Variants in NELL1 observed in about 807,000 individuals in gnomAD.
NELL1 encodes the protein neural EGFL like 1.
In NELL1, 76 loss-of-function variants were observed where a neutral mutation model predicts 107.4. That is an observed-to-expected ratio of 0.71 (90% CI 0.59 to 0.86). The LOEUF is 0.86. NELL1 is among the 40% of genes least tolerant of loss of function. The pLI is 0.00. For synonymous variants in NELL1, 353 were observed against 341.2 expected (o/e 1.03, Z -0.38); for missense variants, 1,024 against 1,005.5 (o/e 1.02, Z -0.25).
intron 14 of NELL1, among the ~76,000 whole-genome samples, chr11:21,328,871 C>A (rs1048929527): frequency 6.6e-6 from 1 of 152,292 alleles, no homozygotes; most frequent in Middle Eastern, 3.4e-3. Flanking sequence ...TGGCCAATTT[C>A]TCCCATTTTT....
chr11:21,205,085 G>T (rs941594067), intron 13 of NELL1, among the ~76,000 whole-genome samples: 5 of 152,152 alleles, frequency 3.3e-5, no homozygotes, highest in Admixed American at 1.3e-4. Flanking sequence ...GGAGACATGG[G>T]GGTCAGGGAC....
chr11:20,810,678 G>T (rs1488086508), intron 3 of NELL1, among the ~76,000 whole-genome samples: 2 of 152,138 alleles, frequency 1.3e-5, no homozygotes, highest in Non-Finnish European at 2.9e-5. Context: ...CTATAAACAT[G>T]CATGTGCAAG....
intron 4 of NELL1, among the ~76,000 whole-genome samples, chr11:20,867,633 A>G (rs1849120217): frequency 6.6e-6 from 1 of 152,198 alleles, no homozygotes; most frequent in Non-Finnish European, 1.5e-5. Context: ...TAGTTTGCAT[A>G]GAGTTGGGCT....
intron 15 of NELL1, among the ~76,000 whole-genome samples, chr11:21,472,894 T>G (rs775776783): frequency 8.6e-5 from 13 of 151,966 alleles, no homozygotes; most frequent in Non-Finnish European, 1.9e-4. Context: ...ATCTATGTGA[T>G]TATCAGTTAT....
chr11:20,701,977 G>A (rs1281434416), intron 2 of NELL1, among the ~76,000 whole-genome samples: 4 of 152,184 alleles, frequency 2.6e-5, no homozygotes, highest in African/African-American at 7.2e-5. Flanking sequence ...GCTCAGAATT[G>A]TCTTGGCAAT....
chr11:21,190,022 A>G (rs1341239694), intron 13 of NELL1, among the ~76,000 whole-genome samples: 1 of 151,802 alleles, frequency 6.6e-6, no homozygotes, highest in African/African-American at 2.4e-5. Flanking sequence ...TCAATTCACA[A>G]GACACAAGTT....
At chr11:21,421,186 G>A (rs1852659083) in intron 15 of NELL1, among the ~76,000 whole-genome samples, 2 of 152,146 alleles carry the variant, frequency 1.3e-5, no homozygotes, top group Admixed American at 1.3e-4. Flanking sequence ...CATTAGCATG[G>A]TATAAGGTAG....
chr11:20,702,103 T>A (rs529972416), intron 2 of NELL1, among the ~76,000 whole-genome samples: 2 of 152,182 alleles, frequency 1.3e-5, no homozygotes, highest in African/African-American at 4.8e-5. Context: ...CCTTGGGCAG[T>A]ATGGCCATTT....
intron 13 of NELL1, among the ~76,000 whole-genome samples, chr11:21,189,491 A>C (rs951157719): frequency 2.0e-5 from 3 of 151,768 alleles, no homozygotes; most frequent in Admixed American, 1.3e-4. Flanking sequence ...AAAAATCAAA[A>C]AGACATGGCA....
chr11:21,282,268 G>C (rs972282170), intron 14 of NELL1, among the ~76,000 whole-genome samples: 1 of 152,104 alleles, frequency 6.6e-6, no homozygotes, highest in Non-Finnish European at 1.5e-5. Flanking sequence ...CTGATCATCA[G>C]AGAAATGCAA....
intron 13 of NELL1, among the ~76,000 whole-genome samples, chr11:21,132,713 C>T (rs1855651085): frequency 6.6e-6 from 1 of 152,078 alleles, no homozygotes; most frequent in South Asian, 2.1e-4. Context: ...TCGGGGAGCC[C>T]CTAAATCTGG....
Position 21,178,605 on chromosome 11 carries a change from A to G in NELL1, c.1427-50727A>G, listed in dbSNP as rs944661991. 2.6e-5 allele frequency among the ~76,000 whole-genome samples: 4 copies of G among 151,406 alleles called. No homozygotes were observed. In the South Asian group the frequency reaches 6.2e-4, roughly 24 times the overall value. On this transcript the variant is annotated intron_variant, in intron 13 of 19. Coordinates refer to ENST00000357134, the MANE Select transcript of NELL1 (RefSeq NM_006157.5). ...AATATAGTGAAACCTCATCTCTACAAAAATTTTAAAAATTAGCTAGGTATG... is the reference window on the plus strand; with the variant it reads ...AATATAGTGAAACCTCATCTCTACAGAAATTTTAAAAATTAGCTAGGTATG...
chr11:21,056,487 TA>T (rs1853618583), intron 12 of NELL1, among the ~76,000 whole-genome samples: 1 of 152,152 alleles, frequency 6.6e-6, no homozygotes, highest in Admixed American at 6.6e-5. Context: ...TGTTGTCATC[TA>T]AAAAAATGAG....
chr11:20,934,845 T>C (rs1457317229), intron 9 of NELL1, among the ~76,000 whole-genome samples: 3 of 152,180 alleles, frequency 2.0e-5, no homozygotes, highest in Non-Finnish European at 4.4e-5. Flanking sequence ...CAACGAGTCA[T>C]GGTCAACTGA....
At chr11:20,914,907 A>G (rs1850211902) in intron 5 of NELL1, among the ~76,000 whole-genome samples, 3 of 152,042 alleles carry the variant, frequency 2.0e-5, no homozygotes, top group East Asian at 1.9e-4. Context: ...TGTTCTTTCA[A>G]CCTCTTCCAA....
At chr11:20,821,773 C>T (rs1289478762) in intron 3 of NELL1, among the ~76,000 whole-genome samples, 1 of 152,238 alleles carries the variant, frequency 6.6e-6, no homozygotes, top group African/African-American at 2.4e-5. Context: ...CCAACAGGCT[C>T]AGCCTGGGTT....
intron 15 of NELL1, among the ~76,000 whole-genome samples, chr11:21,467,270 A>T (rs926470224): frequency 8.5e-5 from 13 of 152,094 alleles, no homozygotes; most frequent in African/African-American, 3.1e-4. Context: ...TAAATTGGAG[A>T]TAGCAATAGT....
chr11:21,374,887 CTGTGTGTGTGT>C (rs1188501534), intron 15 of NELL1, among the ~76,000 whole-genome samples: 271 of 143,848 alleles, frequency 1.9e-3, no homozygotes, highest in African/African-American at 6.7e-3. Flanking sequence ...CTGTGTGTGT[CTGTGTGTGTGT>C]GTGTGTGTGT....
At position 21,169,091 on chromosome 11, in the gene NELL1, C is replaced by T. The variant is rs78420136; in HGVS notation, c.1426+55377C>T. Among the ~76,000 whole-genome samples the T allele has an allele frequency of 3.6e-3, 540 of 151,904 alleles. 15 individuals are homozygous for T. The highest frequency in any genetic ancestry group is 0.012 in the African/African-American group (501 of 41,208). ...ATTGCCTGAAGGATATTCAGTCTAC[C>T]CATCATTCCAAATACTGTAAATTAT... On this transcript the variant is annotated intron_variant, in intron 13 of 19. Coordinates refer to ENST00000357134, the MANE Select transcript of NELL1 (RefSeq NM_006157.5).
Sources: allele counts gnomAD v4.1 joint callset (sites outside exome capture counted in the v4.1 genomes callset), GRCh38; gene constraint gnomAD v4.1.1; transcripts MANE v1.5; gene names NCBI Gene and HGNC (gene_info 2026-07-23, HGNC 2026-07-21).